Variants in ARMC3 observed in about 807,000 individuals in gnomAD.
ARMC3 encodes armadillo repeat containing 3.
In ARMC3, 74 loss-of-function variants were observed where a neutral mutation model predicts 90.3. The ratio of observed to expected loss-of-function variants is 0.82; its 90% CI spans 0.68 to 0.99. The LOEUF (loss-of-function observed/expected upper bound fraction) is 0.99, where lower values mean the gene tolerates loss of function less well. Ranked by LOEUF, ARMC3 falls within the 50% of genes least tolerant of loss-of-function variation. The probability of loss-of-function intolerance (pLI) is 0.00; values close to 1 mark genes in which losing one functional copy is unlikely to be tolerated. For synonymous variants in ARMC3, 334 were observed against 361.8 expected (o/e 0.92, Z 0.87); for missense variants, 958 against 1,042.8 (o/e 0.92, Z 1.12).
chr10:22,981,035 GT>G (rs1836160540), intron 8 of ARMC3, among the ~76,000 whole-genome samples: 1 of 152,164 alleles, frequency 6.6e-6, no homozygotes, highest in South Asian at 2.1e-4. Flanking sequence ...TGAATACCAG[GT>G]CAGGTGCATG....
chr10:22,939,316 T>C (rs1588812774), intron 2 of ARMC3, among the ~76,000 whole-genome samples: 1 of 152,326 alleles, frequency 6.6e-6, no homozygotes, highest in East Asian at 1.9e-4. Flanking sequence ...CTCTGGATTC[T>C]CTGAAGTCTA....
intron 16 of ARMC3, among the ~76,000 whole-genome samples, chr10:23,017,183 T>TA (rs1433614235): frequency 3.0e-4 from 45 of 152,198 alleles, no homozygotes; most frequent in African/African-American, 1.1e-3. Context: ...CATTCAATGA[T>TA]ACATGATTAA....
At chr10:22,985,339 C>T (rs1274190362) in intron 10 of ARMC3, among the ~76,000 whole-genome samples, 2 of 152,168 alleles carry the variant, frequency 1.3e-5, no homozygotes, top group African/African-American at 4.8e-5. Context: ...GTCCCACTCA[C>T]TGGGTATAAA....
At chr10:23,009,645 T>G (rs11812932) in intron 16 of ARMC3, among the ~76,000 whole-genome samples, 26,858 of 152,118 alleles carry the variant, frequency 0.18, 2,450 homozygotes, top group South Asian at 0.2. Flanking sequence ...ATTACAGGTG[T>G]GCACCACCAT....
chr10:22,983,598 T>C (rs1836283906), intron 10 of ARMC3, among the ~76,000 whole-genome samples: 1 of 152,218 alleles, frequency 6.6e-6, no homozygotes, highest in Non-Finnish European at 1.5e-5. Flanking sequence ...AAAGTGGCTT[T>C]CTGAATATTC....
In ARMC3 at chr10:23,030,644, G is replaced by T. The variant is rs771073223; in HGVS notation, c.2094G>T (p.Glu698Asp). The T allele has an allele frequency of 1.2e-6, 2 of 1,613,746 alleles. No individual in the cohort carries two copies. The highest frequency in any genetic ancestry group is 2.2e-5 in the South Asian group (2 of 91,070). Residue 698 changes from glutamate to aspartate, a missense_variant, in exon 17 of 19, where the codon GAG (glutamate) becomes GAT (aspartate). Physicochemically the swap from Glu to Asp is conservative, Grantham distance 45. Transcript: ENST00000298032. ...KEEEKVKEEE[E>D]VMVVPKFVGE... Reference sequence around the variant, plus strand: ...AGGAAAAAGTGAAAGAGGAGGAAGAGGTTATGGTGGTACCAAAATTTGTTG... The same window carrying T: ...AGGAAAAAGTGAAAGAGGAGGAAGATGTTATGGTGGTACCAAAATTTGTTG...
At chr10:22,990,888 C>T (rs1836677712) in intron 10 of ARMC3, among the ~76,000 whole-genome samples, 1 of 152,098 alleles carries the variant, frequency 6.6e-6, no homozygotes, top group Admixed American at 6.6e-5. Flanking sequence ...AATCATCTTT[C>T]ATCCCTTCCT....
chr10:22,975,182 T>C (rs1296814362), intron 8 of ARMC3, among the ~76,000 whole-genome samples: 1 of 152,230 alleles, frequency 6.6e-6, no homozygotes, highest in Non-Finnish European at 1.5e-5. Context: ...TACCTGTGCA[T>C]AGGTTTGTTG....
chr10:23,006,041 C>A (rs1306575479), intron 13 of ARMC3, among the ~76,000 whole-genome samples: 1 of 152,104 alleles, frequency 6.6e-6, no homozygotes, highest in Non-Finnish European at 1.5e-5. Context: ...CCAAAACTTG[C>A]AGCAGGTGAG....
At chr10:22,986,178 A>G (rs1358930602) in intron 10 of ARMC3, among the ~76,000 whole-genome samples, 2 of 143,926 alleles carry the variant, frequency 1.4e-5, no homozygotes, top group Admixed American at 7.4e-5. Context: ...TATTTAATTC[A>G]CTGATGCATC....
intron 8 of ARMC3, among the ~76,000 whole-genome samples, chr10:22,970,190 A>G (rs138460833): frequency 2.0e-5 from 3 of 152,350 alleles, no homozygotes; most frequent in African/African-American, 7.2e-5. Context: ...TTCTGAAATC[A>G]GTGATTAACA....
rs111208169 is a variant in ARMC3 at position 23,010,482 on chromosome 10, C to T, written c.2045+1551C>T. Among the ~76,000 whole-genome samples, 14 of 3,098 alleles carry T rather than the reference C, an allele frequency of 4.5e-3. 1 individual carries two copies. Among genetic ancestry groups the T allele is most frequent in the Non-Finnish European group, 9.3e-3 (6 of 648 alleles). 2.0% of individuals were successfully genotyped at this position (3,098 alleles called of 152,430 possible). On this transcript the variant is annotated intron_variant, in intron 16 of 18. Coordinates refer to ENST00000298032, the MANE Select transcript of ARMC3 (RefSeq NM_173081.5). ...TCCTCCCTCCTTCCTTTCCCTCCTC[C>T]CTCCTTCCTTTCCCTCCCCTCTCCT... is the stretch of plus-strand genomic sequence containing the variant.
chr10:22,955,905 A>G lies in ARMC3; in HGVS notation c.265A>G (p.Met89Val), dbSNP rs146631916. Residue 89 changes from methionine to valine, a missense_variant, in exon 4 of 19, where the codon ATG (methionine) becomes GTG (valine). Transcript: ENST00000298032. ...EDKIVRRNAT[M>V]IFGILASNND... Reference sequence around the variant, plus strand: ...CAAAATTGTAAGAAGAAATGCTACTATGATATTTGGAATCCTGGCTTCTAA... The same window carrying G: ...CAAAATTGTAAGAAGAAATGCTACTGTGATATTTGGAATCCTGGCTTCTAA... 139 of 1,609,414 alleles carry G rather than the reference A, an allele frequency of 8.6e-5. 2 individuals carry two copies. In the South Asian group the frequency reaches 1.2e-3, roughly 13 times the overall value.
At chr10:23,008,991 T>G in intron 16 of ARMC3, 60 bp downstream of exon 16, 1 of 1,392,236 alleles carries the variant, frequency 7.2e-7, no homozygotes, top group South Asian at 1.2e-5. Flanking sequence ...GAGGGGTGGC[T>G]CTTCAGTAGG....
At position 22,933,189 on chromosome 10, in the gene ARMC3, T is replaced by C. The variant is rs368258625; in HGVS notation, c.48+1145T>C. On this transcript the variant is annotated intron_variant, in intron 2 of 18. Transcript: ENST00000298032. ...CAGGAAGGCTTTGCAGGGGTAGACA[T>C]TGTGATCTCATGATGTTTCATCATT... Among the ~76,000 whole-genome samples the C allele has an allele frequency of 1.1e-4, 16 of 152,186 alleles. No individual in the cohort carries two copies. In the East Asian group the frequency reaches 1.7e-3, roughly 17 times the overall value.
intron 16 of ARMC3, among the ~76,000 whole-genome samples, chr10:23,015,519 T>A (rs1838234651): frequency 6.6e-6 from 1 of 152,228 alleles, no homozygotes; most frequent in African/African-American, 2.4e-5. Context: ...TCATGAACGT[T>A]CACTTGACTG....
chr10:22,984,919 C>T (rs943807734), intron 10 of ARMC3, among the ~76,000 whole-genome samples: 9 of 151,712 alleles, frequency 5.9e-5, no homozygotes, highest in Non-Finnish European at 1.3e-4. Flanking sequence ...ATTGCCCAGG[C>T]TGAAGTGCAA....
intron 13 of ARMC3, among the ~76,000 whole-genome samples, chr10:23,003,789 T>C (rs1353628784): frequency 6.6e-6 from 1 of 151,502 alleles, no homozygotes. Flanking sequence ...ACTATGGTTG[T>C]GCCTGTGAAT....
intron 6 of ARMC3, 28 bp from the exon 7 acceptor site, chr10:22,961,856 A>G: frequency 6.5e-7 from 1 of 1,538,764 alleles, no homozygotes; most frequent in Non-Finnish European, 8.7e-7. Context: ...GCTTAAAAAA[A>G]TTATTGATCA....
Sources: allele counts gnomAD v4.1 joint callset (sites outside exome capture counted in the v4.1 genomes callset), GRCh38; gene constraint gnomAD v4.1.1; transcripts MANE v1.5; gene names NCBI Gene and HGNC (gene_info 2026-07-23, HGNC 2026-07-21).